The following PELI2 variants were observed in gnomAD, a reference collection of about 807,000 sequenced individuals.
PELI2 encodes the protein pellino E3 ubiquitin protein ligase family member 2, also known as E3 ubiquitin-protein ligase pellino homolog 2.
In PELI2, 23 loss-of-function variants were observed where a neutral mutation model predicts 42.3. The observed-to-expected ratio is 0.54, with a 90% confidence interval of 0.39 to 0.77. The LOEUF (loss-of-function observed/expected upper bound fraction) is 0.77, where lower values mean the gene tolerates loss of function less well. Among genes scored for constraint, PELI2 ranks in the 30% least tolerant of loss-of-function variants. PELI2 has a pLI of 0.00. For missense variants in PELI2, 463 were observed against 553.2 expected, an observed-to-expected ratio of 0.84 and a Z score of 1.64; for synonymous variants, 245 against 212.2, an observed-to-expected ratio of 1.15 and a Z score of -1.34.
At chr14:56,282,333 A>C (rs998827074) in intron 3 of PELI2, among the ~76,000 whole-genome samples, 1 of 152,144 alleles carries the variant, frequency 6.6e-6, no homozygotes, top group Non-Finnish European at 1.5e-5. Context: ...TTGGTAATAT[A>C]TATTCCATTA....
intron 1 of PELI2, among the ~76,000 whole-genome samples, chr14:56,141,612 AC>A: frequency 6.6e-6 from 1 of 152,290 alleles, no homozygotes; most frequent in Admixed American, 6.5e-5. Flanking sequence ...CAGGATACTT[AC>A]AATCATGGCA....
At chr14:56,163,525 C>G (rs1209151024) in intron 1 of PELI2, among the ~76,000 whole-genome samples, 2 of 151,646 alleles carry the variant, frequency 1.3e-5, no homozygotes, top group Non-Finnish European at 2.9e-5. Context: ...CGGTTTCATT[C>G]TTTATACTTA....
intron 2 of PELI2, among the ~76,000 whole-genome samples, chr14:56,217,919 A>G (rs1260950440): frequency 6.6e-6 from 1 of 152,210 alleles, no homozygotes. Context: ...CAGAGCTACT[A>G]TTTATGAAGG....
intron 2 of PELI2, among the ~76,000 whole-genome samples, chr14:56,200,078 CAG>C (rs1398516573): frequency 6.6e-6 from 1 of 152,226 alleles, no homozygotes; most frequent in Non-Finnish European, 1.5e-5. Context: ...GATTTAAAGA[CAG>C]AATTCAAGGC....
intron 1 of PELI2, among the ~76,000 whole-genome samples, chr14:56,159,693 A>T (rs1594595756): frequency 6.6e-6 from 1 of 152,168 alleles, no homozygotes; most frequent in Non-Finnish European, 1.5e-5. Flanking sequence ...TAAAGAACTA[A>T]TGTTATATTA....
intron 2 of PELI2, among the ~76,000 whole-genome samples, chr14:56,264,736 A>G (rs1888837176): frequency 6.6e-6 from 1 of 152,234 alleles, no homozygotes; most frequent in Non-Finnish European, 1.5e-5. Flanking sequence ...ATATATATTA[A>G]GTGAGGTATT....
At chr14:56,250,991 G>A (rs973972171) in intron 2 of PELI2, among the ~76,000 whole-genome samples, 7 of 152,104 alleles carry the variant, frequency 4.6e-5, no homozygotes, top group African/African-American at 1.4e-4. Context: ...GCCTCAGCCT[G>A]ACCCCCTGGG....
chr14:56,184,972 C>T (rs904302571), intron 2 of PELI2, among the ~76,000 whole-genome samples: 1 of 152,048 alleles, frequency 6.6e-6, no homozygotes, highest in African/African-American at 2.4e-5. Context: ...ACTTACTTCA[C>T]CTGGGATACG....
At chr14:56,161,988 A>T (rs1884781257) in intron 1 of PELI2, among the ~76,000 whole-genome samples, 1 of 152,154 alleles carries the variant, frequency 6.6e-6, no homozygotes, top group African/African-American at 2.4e-5. Flanking sequence ...TTTTTAAAAA[A>T]ATTTTGGTGG....
chr14:56,141,792 CGT>C (rs1362759113), intron 1 of PELI2, among the ~76,000 whole-genome samples: 1 of 152,178 alleles, frequency 6.6e-6, no homozygotes, highest in Non-Finnish European at 1.5e-5. Flanking sequence ...GCCCTTGACA[CGT>C]GGGGTTTATT....
intron 1 of PELI2, among the ~76,000 whole-genome samples, chr14:56,150,458 TTAAGA>T (rs575035625): frequency 7.7e-4 from 117 of 152,332 alleles, no homozygotes; most frequent in African/African-American, 2.7e-3. Flanking sequence ...AGTAGTCACT[TTAAGA>T]TAAGTGATTT....
At chr14:56,162,763 C>T (rs1458379051) in intron 1 of PELI2, among the ~76,000 whole-genome samples, 6 of 152,138 alleles carry the variant, frequency 3.9e-5, no homozygotes, top group Non-Finnish European at 5.9e-5. Context: ...CATGTCCTTG[C>T]CAGCATTTAT....
intron 2 of PELI2, among the ~76,000 whole-genome samples, chr14:56,198,223 G>A (rs935750063): frequency 6.6e-5 from 10 of 152,168 alleles, no homozygotes; most frequent in Non-Finnish European, 1.0e-4. Context: ...AGTTTGGTTT[G>A]GGTCTTGTGT....
intron 2 of PELI2, among the ~76,000 whole-genome samples, chr14:56,207,635 G>A (rs923471641): frequency 2.6e-5 from 4 of 152,190 alleles, no homozygotes; most frequent in Non-Finnish European, 5.9e-5. Context: ...CCTACTCAGG[G>A]GAAGCAGATA....
chr14:56,248,523 C>T (rs1049828265), intron 2 of PELI2, among the ~76,000 whole-genome samples: 2 of 152,124 alleles, frequency 1.3e-5, no homozygotes, highest in South Asian at 2.1e-4. Context: ...GAAGGAGCCT[C>T]CAGGCTGGCA....
intron 2 of PELI2, among the ~76,000 whole-genome samples, chr14:56,211,472 C>T (rs1886710342): frequency 6.6e-6 from 1 of 152,210 alleles, no homozygotes; most frequent in Non-Finnish European, 1.5e-5. Flanking sequence ...CAGTGTGCAC[C>T]TCTTTATGCA....
chr14:56,140,657 G>A (rs982629338), intron 1 of PELI2, among the ~76,000 whole-genome samples: 2 of 152,178 alleles, frequency 1.3e-5, no homozygotes, highest in African/African-American at 4.8e-5. Flanking sequence ...ATGGAATAAC[G>A]GCAGGGAAGA....
intron 2 of PELI2, among the ~76,000 whole-genome samples, chr14:56,236,439 C>G (rs1240737213): frequency 6.6e-6 from 1 of 152,310 alleles, no homozygotes; most frequent in South Asian, 2.1e-4. Flanking sequence ...ATCCAGACTT[C>G]TAGCTGGCTT....
chr14:56,175,056 C>T (rs1885322266), intron 1 of PELI2, among the ~76,000 whole-genome samples: 1 of 152,116 alleles, frequency 6.6e-6, no homozygotes. Context: ...AGTACAGTGG[C>T]ATGATCTTGG....
Sources: gnomAD v4.1 joint callset for allele counts (sites outside exome capture counted in the v4.1 genomes callset) on GRCh38, gnomAD v4.1.1 for gene constraint, MANE v1.5 for transcripts, NCBI Gene and HGNC (gene_info 2026-07-23, HGNC 2026-07-21) for gene names.